The following PKLR variants were observed in gnomAD, a reference collection of about 807,000 sequenced individuals.
PKLR encodes pyruvate kinase L/R.
In PKLR, 38 loss-of-function variants were observed where a neutral mutation model predicts 53.6. The observed-to-expected ratio is 0.71, with a 90% confidence interval of 0.55 to 0.93. PKLR has a LOEUF of 0.93. Among genes scored for constraint, PKLR ranks in the 40% least tolerant of loss-of-function variants. The pLI is 0.00. For missense variants in PKLR, 702 were observed against 787.3 expected (o/e 0.89, Z 1.30); for synonymous variants, 328 against 316.2 (o/e 1.04, Z -0.39).
chr1:155,295,194 T>TG lies in PKLR; in HGVS notation c.615dup (p.Asn206GlnfsTer15), dbSNP rs749541053. The TG allele has an allele frequency of 6.2e-7, 1 of 1,614,082 alleles. No homozygotes were observed. The highest frequency in any genetic ancestry group is 1.1e-5 in the South Asian group (1 of 91,082). The stretch of plus-strand genomic sequence containing the variant: ...CCCACCGGCACGACCCGGACAATAT[T>TG]GGGGTAGTCCACCCACACGGTGTTC... On this transcript the variant is annotated frameshift_variant, in exon 5 of 11. Transcript: ENST00000342741. LOFTEE classifies it high-confidence loss of function. The surrounding 1 kb of genome is among the most constrained non-coding windows in gnomAD (Gnocchi z 4.3).
chr1:155,299,491 CTTTTTTTT>C (rs35869567), intron 2 of PKLR, among the ~76,000 whole-genome samples: 6 of 42,708 alleles, frequency 1.4e-4, no homozygotes, highest in African/African-American at 5.1e-4. Context: ...GCCCAGCCCA[CTTTTTTTT>C]TTTTTTTTTT....
intron 10 of PKLR, among the ~76,000 whole-genome samples, chr1:155,291,450 C>T (rs1369888341): frequency 2.0e-5 from 3 of 151,414 alleles, no homozygotes; most frequent in Non-Finnish European, 4.4e-5. Context: ...GAGCCGAGAT[C>T]GTACCCCTGC....
In PKLR at chr1:155,295,709, C is replaced by A; in HGVS notation, c.331G>T (p.Gly111Trp). Residue 111 changes from glycine to tryptophan, a missense_variant, in exon 3 of 11, where the codon GGG becomes TGG. This residue lies in a region of PKLR where 519 missense variants were observed against 537.1 expected (regional missense o/e 0.97). Transcript: ENST00000342741. This position sits in a 1 kb window ranked among gnomAD's most constrained non-coding sequence, Gnocchi z 4.3. ...AAGTTGAGTCGCGCAATGTTCATCC[C>A]GGCCTTGATCATCTCCTTGAGGCGC... is the stretch of plus-strand genomic sequence containing the variant. ...VERLKEMIKA[G>W]MNIARLNFSH... 6.2e-7 allele frequency: 1 copy of A among 1,614,164 alleles called. No individual in the cohort carries two copies. The highest frequency in any genetic ancestry group is 8.5e-7 in the Non-Finnish European group (1 of 1,179,998).
At chr1:155,298,798 T>A (rs1401777374) in intron 2 of PKLR, among the ~76,000 whole-genome samples, 1 of 151,796 alleles carries the variant, frequency 6.6e-6, no homozygotes, top group African/African-American at 2.4e-5. Flanking sequence ...CATGCCACCA[T>A]GCCTGGCTAA....
the PKLR span, among the ~76,000 whole-genome samples, chr1:155,307,887 G>A: frequency 1.3e-3 from 198 of 152,146 alleles, no homozygotes; most frequent in Admixed American, 3.5e-3. Context: ...CCCGGGAAGC[G>A]AGGTTGCAGC....
At chr1:155,298,192 C>A (rs1172914158) in intron 2 of PKLR, among the ~76,000 whole-genome samples, 2 of 151,872 alleles carry the variant, frequency 1.3e-5, no homozygotes, top group Non-Finnish European at 2.9e-5. Context: ...TGTGCCACCA[C>A]GCCCAGCTAA....
intron 10 of PKLR, among the ~76,000 whole-genome samples, chr1:155,291,166 G>T (rs967422556): frequency 5.3e-5 from 8 of 151,998 alleles, no homozygotes; most frequent in Admixed American, 3.9e-4. Context: ...TATGTCCCAC[G>T]GGTGGCATGC....
At chr1:155,299,715 A>G (rs1018994986) in intron 2 of PKLR, among the ~76,000 whole-genome samples, 1 of 151,636 alleles carries the variant, frequency 6.6e-6, no homozygotes, top group African/African-American at 2.4e-5. Context: ...CATGTTGGTC[A>G]GGCTAGTCTC....
the PKLR span, among the ~76,000 whole-genome samples, chr1:155,307,986 AG>A: frequency 6.6e-6 from 1 of 151,950 alleles, no homozygotes; most frequent in South Asian, 2.1e-4. Flanking sequence ...CATGTTGACC[AG>A]GCTGGTCTCA....
chr1:155,295,435 A>T lies in PKLR; in HGVS notation c.507+2T>A. On this transcript the variant is annotated splice_donor_variant, in intron 4 of 10. Transcript: ENST00000342741. LOFTEE classifies it high-confidence loss of function. This position sits in a 1 kb window ranked among gnomAD's most constrained non-coding sequence, Gnocchi z 4.3. ...CCAGCGAGTCCCAGCCCCACTGCTC[A>T]CCCCCTGCAGGATCCCAGTGCGGAT... The T allele has an allele frequency of 6.2e-7, 1 of 1,609,706 alleles. No homozygotes were observed. The highest frequency in any genetic ancestry group is 1.1e-5 in the South Asian group (1 of 90,730).
intron 2 of PKLR, among the ~76,000 whole-genome samples, chr1:155,296,031 C>T (rs984501304): frequency 6.6e-6 from 1 of 152,286 alleles, no homozygotes. Flanking sequence ...ACTGTATGGG[C>T]ATGGGTATGT....
At position 155,290,592 on chromosome 1, in the gene PKLR, G is replaced by A. The variant is rs1052176; in HGVS notation, c.1705C>T (p.Arg569Trp). ...RPGSGYTNIM[R>W]VLSIS ...GCGTCTCAGGATATGCTTAGCACCCGCATGATGTTGGTGTAGCCGGAGCCA... is the reference window on the plus strand; with the variant it reads ...GCGTCTCAGGATATGCTTAGCACCCACATGATGTTGGTGTAGCCGGAGCCA... Residue 569 changes from arginine to tryptophan, a missense_variant, in exon 11 of 11, where the codon CGG becomes TGG. Physicochemically the swap from Arg to Trp is moderately radical, Grantham distance 101. Coordinates refer to ENST00000342741, the MANE Select transcript of PKLR (RefSeq NM_000298.6). The A allele has an allele frequency of 8.7e-6, 14 of 1,608,960 alleles. No homozygotes were observed. Among genetic ancestry groups the A allele is most frequent in the Admixed American group, 1.7e-5 (1 of 59,930 alleles).
At chr1:155,294,201 A>T (rs751169497) in intron 7 of PKLR, 34 bp downstream of exon 7, 2 of 1,613,342 alleles carry the variant, frequency 1.2e-6, no homozygotes, top group East Asian at 2.2e-5. Context: ...CCTAAAACCC[A>T]CAGAGTGCCG....
At position 155,293,218 on chromosome 1, in the gene PKLR, C is replaced by T. The variant is rs1041768856; in HGVS notation, c.1395G>A (p.Lys465=). ...GCACAATGATGGCAGCAGCACAGCA[C>T]TTGAAGGCAGCCTCCACAGCACCAA... ...TAIGAVEAAF[K]CCAAAIIVLT... Residue 465 remains lysine (K), a synonymous_variant, in exon 9 of 11, where the codon AAG becomes AAA. Transcript: ENST00000342741. This position sits in a 1 kb window ranked among gnomAD's most constrained non-coding sequence, Gnocchi z 4.2. 4 of 1,614,084 alleles carry T rather than the reference C, an allele frequency of 2.5e-6. No homozygotes were observed. Among genetic ancestry groups the T allele is most frequent in the Non-Finnish European group, 3.4e-6 (4 of 1,180,050 alleles).
Position 155,295,487 on chromosome 1 carries a change from T to C in PKLR, c.457A>G (p.Ile153Val), listed in dbSNP as rs1417213156. The C allele has an allele frequency of 6.2e-7, 1 of 1,610,038 alleles. No individual in the cohort carries two copies. The highest frequency in any genetic ancestry group is 8.5e-7 in the Non-Finnish European group (1 of 1,178,350). Residue 153 changes from isoleucine (I) to valine (V), a missense_variant, in exon 4 of 11, where the codon ATC (isoleucine) becomes GTC (valine). Coordinates refer to ENST00000342741, the MANE Select transcript of PKLR (RefSeq NM_000298.6). This position sits in a 1 kb window ranked among gnomAD's most constrained non-coding sequence, Gnocchi z 4.3. ...TCCGGTCCCTTGGTGTCCAGGGCGA[T>C]GGCCACGGGCCGGTAGCTGAGTGGG... The part of the protein sequence containing the change: ...GSPLSYRPVA[I>V]ALDTKGPEIR...
chr1:155,298,002 T>C (rs1647692381), intron 2 of PKLR, among the ~76,000 whole-genome samples: 1 of 152,168 alleles, frequency 6.6e-6, no homozygotes, highest in African/African-American at 2.4e-5. Context: ...TTATCACACT[T>C]GATTTCTTTC....
At chr1:155,291,689 G>A in intron 10 of PKLR, 67 bp downstream of exon 10, 1 of 1,438,038 alleles carries the variant, frequency 7.0e-7, no homozygotes, top group Non-Finnish European at 9.8e-7. Flanking sequence ...GAGTGGGTAT[G>A]GGAAGCTGGG....
chr1:155,297,693 G>T (rs370986710), intron 2 of PKLR, among the ~76,000 whole-genome samples: 3 of 152,124 alleles, frequency 2.0e-5, no homozygotes, highest in African/African-American at 7.2e-5. Flanking sequence ...TTCACTCGGA[G>T]GAAAACGCAA....
chr1:155,294,153 A>G (rs1647400219), intron 7 of PKLR, 82 bp downstream of exon 7: 3 of 1,481,248 alleles, frequency 2.0e-6, no homozygotes, highest in Non-Finnish European at 2.8e-6. Context: ...ACAAAACAAA[A>G]TAAACCCCTA....
Sources: gnomAD v4.1 joint callset for allele counts (sites outside exome capture counted in the v4.1 genomes callset) on GRCh38, gnomAD v4.1.1 for gene constraint, gnomAD v4.1.1 regional missense constraint, Gnocchi (gnomAD v3.1) non-coding constraint, MANE v1.5 for transcripts, NCBI Gene and HGNC (gene_info 2026-07-23, HGNC 2026-07-21) for gene names.